Variants in MTHFD2L observed in about 807,000 individuals in gnomAD.
The protein encoded by MTHFD2L is bifunctional methylenetetrahydrofolate dehydrogenase/cyclohydrolase 2, mitochondrial.
MTHFD2L carries 29 observed loss-of-function variants against 34.9 expected under a neutral mutation model. The observed-to-expected ratio is 0.83, with a 90% confidence interval of 0.62 to 1.13. MTHFD2L has a LOEUF of 1.13. MTHFD2L is among the 50% of genes most tolerant of loss of function. MTHFD2L has a pLI of 0.00. For synonymous variants in MTHFD2L, 167 were observed against 155.7 expected, an observed-to-expected ratio of 1.07 and a Z score of -0.54; for missense variants, 481 against 446.5, an observed-to-expected ratio of 1.08 and a Z score of -0.70.
At chr4:74,299,180 G>A (rs933893875) in intron 7 of MTHFD2L, among the ~76,000 whole-genome samples, 1 of 151,760 alleles carries the variant, frequency 6.6e-6, no homozygotes, top group Non-Finnish European at 1.5e-5. Flanking sequence ...CAAATTGTAT[G>A]CCACTTTTAA....
chr4:74,264,127 C>T (rs536091689), intron 6 of MTHFD2L, among the ~76,000 whole-genome samples: 45 of 152,042 alleles, frequency 3.0e-4, no homozygotes, highest in African/African-American at 9.6e-4. Context: ...ATGAATGCTT[C>T]CCCCTAAGAT....
At chr4:74,275,985 C>A (rs898217041) in intron 6 of MTHFD2L, among the ~76,000 whole-genome samples, 2 of 152,080 alleles carry the variant, frequency 1.3e-5, no homozygotes, top group Non-Finnish European at 1.5e-5. Flanking sequence ...GCTTTTGTTG[C>A]AATTGCTTTT....
At chr4:74,154,598 G>T (rs1401003792), upstream of MTHFD2L, among the ~76,000 whole-genome samples, 3 of 151,992 alleles carry the variant, frequency 2.0e-5, no homozygotes, top group Non-Finnish European at 4.4e-5. Flanking sequence ...CCTTTCAGTT[G>T]GCTCCTGTCC....
Position 74,246,235 on chromosome 4 carries a change from T to C in MTHFD2L, c.805+20841T>C, listed in dbSNP as rs1230614237. Among the ~76,000 whole-genome samples the C allele has an allele frequency of 6.1e-3, 932 of 151,946 alleles. 7 individuals carry two copies. Among genetic ancestry groups the C allele is most frequent in the Non-Finnish European group, 0.01 (695 of 67,946 alleles). On this transcript the variant is annotated intron_variant, in intron 6 of 7. Transcript: ENST00000325278. Reference sequence around the variant, plus strand: ...GCATTTCTCTGATGGCCAGTGATGATGAGCATTTTTTCGTGTGTCTTTTGG... The same window carrying C: ...GCATTTCTCTGATGGCCAGTGATGACGAGCATTTTTTCGTGTGTCTTTTGG...
intron 3 of MTHFD2L, chr4:74,195,709 T>A (rs951174767): frequency 6.6e-6 from 1 of 152,512 alleles, no homozygotes; most frequent in Admixed American, 6.5e-5. Context: ...CCAAGGTAGT[T>A]GGGCCACAGC....
chr4:74,157,600 C>T (rs1724388774), upstream of MTHFD2L: 1 of 452,986 alleles, frequency 2.2e-6, no homozygotes, highest in African/African-American at 2.0e-5. Context: ...AAAGTCCAGA[C>T]CTTCCTTGTT....
At chr4:74,289,010 T>G (rs1244569886) in intron 7 of MTHFD2L, among the ~76,000 whole-genome samples, 1 of 152,204 alleles carries the variant, frequency 6.6e-6, no homozygotes, top group East Asian at 1.9e-4. Context: ...CAAATTAGGT[T>G]CATTCATTTA....
At chr4:74,155,931 T>C (rs1233618523), upstream of MTHFD2L, among the ~76,000 whole-genome samples, 1 of 151,322 alleles carries the variant, frequency 6.6e-6, no homozygotes, top group Non-Finnish European at 1.5e-5. Context: ...AAAACACTTT[T>C]ACACATCTAG....
Position 74,216,021 on chromosome 4 carries a change from CAT to C in MTHFD2L, c.713-9280_713-9279del, listed in dbSNP as rs1042617614. 1.8e-4 allele frequency among the ~76,000 whole-genome samples: 27 copies of C among 150,900 alleles called. 1 individual carries two copies. Among genetic ancestry groups the C allele is most frequent in the African/African-American group, 3.9e-4 (16 of 40,878 alleles). On this transcript the variant is annotated intron_variant, in intron 5 of 7. Transcript: ENST00000325278. ...AATTGTCTTTAAGATTAAAAAGAAA[CAT>C]GTGCTCAATAAAAATAAAACATTTT...
At chr4:74,262,762 T>G (rs1560541015) in intron 6 of MTHFD2L, among the ~76,000 whole-genome samples, 2 of 151,962 alleles carry the variant, frequency 1.3e-5, no homozygotes, top group Admixed American at 1.3e-4. Context: ...TACTTGCATA[T>G]GCTGCTGATG....
At chr4:74,137,610 G>T (rs557377606) in intron 1 of MTHFD2L, among the ~76,000 whole-genome samples, 3 of 152,142 alleles carry the variant, frequency 2.0e-5, no homozygotes, top group Admixed American at 1.3e-4. Context: ...TCACTACTGG[G>T]TATATACATT....
At chr4:74,299,080 CAA>C (rs1159884250) in intron 7 of MTHFD2L, among the ~76,000 whole-genome samples, 1 of 151,684 alleles carries the variant, frequency 6.6e-6, no homozygotes, top group Non-Finnish European at 1.5e-5. Context: ...TTTTCATAGA[CAA>C]ATAATATCAA....
intron 3 of MTHFD2L, among the ~76,000 whole-genome samples, chr4:74,196,900 C>G (rs980126052): frequency 6.8e-6 from 1 of 146,280 alleles, no homozygotes; most frequent in Non-Finnish European, 1.5e-5. Flanking sequence ...GACCTGAGAT[C>G]ATACCACTGC....
intron 3 of MTHFD2L, among the ~76,000 whole-genome samples, chr4:74,178,206 T>C (rs1424055325): frequency 6.6e-6 from 1 of 152,038 alleles, no homozygotes; most frequent in African/African-American, 2.4e-5. Context: ...CAACATACTA[T>C]ATACTTGCAA....
chr4:74,196,844 G>A (rs1733565591), intron 3 of MTHFD2L, among the ~76,000 whole-genome samples: 1 of 151,606 alleles, frequency 6.6e-6, no homozygotes, highest in Admixed American at 6.6e-5. Flanking sequence ...TACTGGGGAG[G>A]CTGAGGCAGA....
At chr4:74,225,244 C>A in intron 5 of MTHFD2L, 58 bp from the exon 6 acceptor site, 1 of 1,269,246 alleles carries the variant, frequency 7.9e-7, no homozygotes, top group Non-Finnish European at 1.1e-6. Flanking sequence ...GGATTTAGAG[C>A]ATTTATAAAA....
At chr4:74,276,056 C>A (rs1746607150) in intron 6 of MTHFD2L, among the ~76,000 whole-genome samples, 2 of 152,076 alleles carry the variant, frequency 1.3e-5, no homozygotes, top group Non-Finnish European at 2.9e-5. Context: ...CAAAGCAAGT[C>A]TTTTAACATG....
chr4:74,259,568 CAGAG>C (rs1311695013), intron 6 of MTHFD2L, among the ~76,000 whole-genome samples: 1 of 152,196 alleles, frequency 6.6e-6, no homozygotes, highest in Non-Finnish European at 1.5e-5. Context: ...TCTGCAAAAA[CAGAG>C]AGCCCCATAG....
At chr4:74,280,511 A>G (rs1747302980) in intron 6 of MTHFD2L, 1 of 152,128 alleles carries the variant, frequency 6.6e-6, no homozygotes, top group African/African-American at 2.4e-5. Flanking sequence ...TCTGACTCCA[A>G]TTACATGAAA....
Sources: allele counts gnomAD v4.1 joint callset (sites outside exome capture counted in the v4.1 genomes callset), GRCh38; gene constraint gnomAD v4.1.1; transcripts MANE v1.5; gene names NCBI Gene and HGNC (gene_info 2026-07-23, HGNC 2026-07-21).